Variants in TASP1 observed in about 807,000 individuals in gnomAD.
TASP1 encodes the protein threonine aspartase 1.
A neutral mutation model predicts 56.6 loss-of-function variants in TASP1; 16 were observed. That is an observed-to-expected ratio of 0.28 (90% CI 0.19 to 0.43). The LOEUF (loss-of-function observed/expected upper bound fraction) is 0.43, where lower values mean the gene tolerates loss of function less well. TASP1 is among the 20% of genes least tolerant of loss of function. TASP1 has a pLI of 1.00. For missense variants in TASP1, 393 were observed against 511.6 expected (o/e 0.77, Z 2.24); for synonymous variants, 179 against 184.2 (o/e 0.97, Z 0.23).
the TASP1 span, among the ~76,000 whole-genome samples, chr20:13,256,774 A>G: frequency 6.6e-6 from 1 of 152,054 alleles, no homozygotes; most frequent in Non-Finnish European, 1.5e-5. Context: ...AGGATTCCAA[A>G]CCTCAGTTTT....
the TASP1 span, among the ~76,000 whole-genome samples, chr20:13,296,832 A>G: frequency 2.0e-5 from 3 of 152,182 alleles, no homozygotes; most frequent in Admixed American, 2.0e-4. Context: ...AACCTGGCCA[A>G]TGTGGTGAAA....
At chr20:13,578,081 G>A (rs963396339) in intron 6 of TASP1, among the ~76,000 whole-genome samples, 10 of 152,056 alleles carry the variant, frequency 6.6e-5, no homozygotes, top group African/African-American at 2.4e-4. Context: ...ATACCAAAAT[G>A]TCTCTCAACT....
chr20:13,424,304 A>T (rs544086914), intron 12 of TASP1, among the ~76,000 whole-genome samples: 1 of 152,338 alleles, frequency 6.6e-6, no homozygotes, highest in East Asian at 1.9e-4. Context: ...ACGGTTACAT[A>T]GAAAAATTTA....
chr20:13,431,703 A>C (rs866239098), intron 12 of TASP1, among the ~76,000 whole-genome samples: 3 of 152,214 alleles, frequency 2.0e-5, no homozygotes, highest in African/African-American at 7.2e-5. Context: ...CTATTCCCCA[A>C]TACGGCAGTA....
At chr20:13,391,990 A>T (rs2041307805) in intron 13 of TASP1, among the ~76,000 whole-genome samples, 1 of 151,420 alleles carries the variant, frequency 6.6e-6, no homozygotes, top group South Asian at 2.1e-4. Context: ...AAAAAGAAAG[A>T]AAGAAGTGAG....
At chr20:13,150,020 G>A in the TASP1 span, among the ~76,000 whole-genome samples, 6 of 152,272 alleles carry the variant, frequency 3.9e-5, no homozygotes, top group East Asian at 5.8e-4. Context: ...CTAATGATCC[G>A]CAAAAGTGCT....
At chr20:13,270,832 C>T in the TASP1 span, 1 of 1,260,528 alleles carries the variant, frequency 7.9e-7, no homozygotes, top group Non-Finnish European at 1.1e-6. Flanking sequence ...TGCCTTACCT[C>T]ACTTTTCTTC....
the TASP1 span, among the ~76,000 whole-genome samples, chr20:13,369,100 T>C: frequency 3.3e-5 from 5 of 152,314 alleles, no homozygotes; most frequent in African/African-American, 1.2e-4. Flanking sequence ...CAAATGAAGA[T>C]TTCAGGTAGC....
At chr20:13,448,809 T>C (rs1384628338) in intron 11 of TASP1, among the ~76,000 whole-genome samples, 2 of 151,718 alleles carry the variant, frequency 1.3e-5, no homozygotes, top group Admixed American at 6.6e-5. Context: ...TCCATAATAC[T>C]CCAAGAAAAT....
chr20:13,431,518 A>G (rs972761537), intron 12 of TASP1, among the ~76,000 whole-genome samples: 1 of 152,186 alleles, frequency 6.6e-6, no homozygotes, highest in Non-Finnish European at 1.5e-5. Flanking sequence ...TCAATCCCTG[A>G]TCAAACTATA....
the TASP1 span, among the ~76,000 whole-genome samples, chr20:13,155,003 A>C: frequency 1.3e-5 from 2 of 152,046 alleles, no homozygotes; most frequent in African/African-American, 4.8e-5. Flanking sequence ...CAACATGGTG[A>C]GACCCTGTCT....
chr20:13,132,230 G>A, the TASP1 span, among the ~76,000 whole-genome samples: 1 of 139,614 alleles, frequency 7.2e-6, no homozygotes, highest in Non-Finnish European at 1.5e-5. Context: ...AGGCTGGAGT[G>A]CAGTGGTGCC....
At chr20:13,327,752 T>C in the TASP1 span, among the ~76,000 whole-genome samples, 55 of 152,258 alleles carry the variant, frequency 3.6e-4, no homozygotes, top group African/African-American at 1.1e-3. Context: ...TGGCTAGCCA[T>C]ATGCAGAAAA....
At chr20:13,528,560 A>G (rs2045083434) in intron 9 of TASP1, 49 bp from the exon 10 acceptor site, 1 of 1,480,848 alleles carries the variant, frequency 6.8e-7, no homozygotes, top group African/African-American at 1.4e-5. Context: ...ATCATATGTA[A>G]TTATTAGTTT....
At chr20:13,421,953 C>CTTATTTTTTTTTTTTT (rs1246920761) in intron 12 of TASP1, among the ~76,000 whole-genome samples, 3 of 139,042 alleles carry the variant, frequency 2.2e-5, no homozygotes, top group African/African-American at 8.1e-5. Flanking sequence ...TCTGTTTAAC[C>CTTATTTTTTTTTTTTT]TTTTTTTTTT....
At chr20:13,214,828 T>G in the TASP1 span, among the ~76,000 whole-genome samples, 1 of 152,196 alleles carries the variant, frequency 6.6e-6, no homozygotes, top group Non-Finnish European at 1.5e-5. Context: ...TCAATTATGC[T>G]TGCAACTTTT....
chr20:13,523,049 C>A (rs966435626), intron 10 of TASP1, among the ~76,000 whole-genome samples: 2 of 151,902 alleles, frequency 1.3e-5, no homozygotes, highest in African/African-American at 4.8e-5. Flanking sequence ...AGATTGGTGG[C>A]GTGGTAGAGG....
chr20:13,434,861 T>C (rs374687134), intron 12 of TASP1, among the ~76,000 whole-genome samples, 183 bp downstream of exon 12: 1 of 152,294 alleles, frequency 6.6e-6, no homozygotes, highest in East Asian at 1.9e-4. Context: ...TACTTAAAAA[T>C]GAACATTCAT....
At chr20:13,284,628 A>G in the TASP1 span, among the ~76,000 whole-genome samples, 2 of 152,196 alleles carry the variant, frequency 1.3e-5, no homozygotes. Context: ...AAGACATTAA[A>G]CAAATAGAAA....
Sources: allele counts gnomAD v4.1 joint callset (sites outside exome capture counted in the v4.1 genomes callset), GRCh38; gene constraint gnomAD v4.1.1; transcripts MANE v1.5; gene names NCBI Gene and HGNC (gene_info 2026-07-23, HGNC 2026-07-21).